Variants in PLEKHH1 observed in about 807,000 individuals in gnomAD.
PLEKHH1 encodes the protein pleckstrin homology domain-containing family H member 1.
Under a neutral mutation model 160.0 loss-of-function variants are expected in PLEKHH1, and 104 were observed. That is an observed-to-expected ratio of 0.65 (90% CI 0.55 to 0.76). The LOEUF is 0.76. PLEKHH1 is among the 30% of genes least tolerant of loss of function. PLEKHH1 has a pLI of 0.00. For synonymous variants in PLEKHH1, 619 were observed against 678.4 expected (o/e 0.91, Z 1.36); for missense variants, 1,427 against 1,724.1 (o/e 0.83, Z 3.05).
rs202023234 is a variant in PLEKHH1 at position 67,578,561 on chromosome 14, C to T, written c.2779C>T (p.Pro927Ser). The T allele has an allele frequency of 1.9e-3, 3,054 of 1,611,548 alleles. 1 individual carries two copies. Among genetic ancestry groups the T allele is most frequent in the Non-Finnish European group, 2.4e-3 (2,832 of 1,179,014 alleles). ...CTGGCAGCTCCTCGCTCTGTGTGCT[C>T]CACTTTTCCTGCCTCAGCATCACTT... ...QCWQLLALCA[P>S]LFLPQHHFLW... The change falls in exon 20 of 29, where the codon CCA (proline) becomes TCA (serine). Residue 927 changes from proline (P) to serine (S), a missense_variant. By Grantham distance (74) the Pro-to-Ser change is moderately conservative (BLOSUM62 -1). This residue lies in a region of PLEKHH1 where 436 missense variants were observed against 607.5 expected (regional missense o/e 0.72). Transcript: ENST00000329153. The surrounding 1 kb of genome is among the most constrained non-coding windows in gnomAD (Gnocchi z 5.0).
chr14:67,572,274 C>A lies in PLEKHH1; in HGVS notation c.1725C>A (p.Gly575=). 1 of 1,582,748 alleles carries A rather than the reference C, an allele frequency of 6.3e-7. No individual in the cohort carries two copies. The highest frequency in any genetic ancestry group is 1.1e-5 in the South Asian group (1 of 87,838). Residue 575 remains glycine (G), a synonymous_variant, in exon 11 of 29, where the codon GGC becomes GGA. Coordinates refer to ENST00000329153, the MANE Select transcript of PLEKHH1 (RefSeq NM_020715.3). ...SSYSTDGLGL[G]GESLEKSGYL... is the part of the protein sequence containing the mutation. ...ACTCCACCGACGGGCTGGGCCTGGG[C>A]GGGGTGAGCCGGGAAACGGGCGGGG...
At position 67,576,741 on chromosome 14, in the gene PLEKHH1, A is replaced by C. The variant is rs939325322; in HGVS notation, c.2461+238A>C. ...AGCAGGCTTTCCAGGGACCTGGGTA[A>C]ATGTTTTACTTGGATCAAGCTGCCC... On this transcript the variant is annotated intron_variant, in intron 17 of 28. Transcript: ENST00000329153. This position sits in a 1 kb window ranked among gnomAD's most constrained non-coding sequence, Gnocchi z 4.0. 8.5e-5 allele frequency among the ~76,000 whole-genome samples: 13 copies of C among 152,092 alleles called. No homozygotes were observed. In the East Asian group the frequency reaches 1.3e-3, roughly 16 times the overall value.
chr14:67,569,654 C>T, intron 8 of PLEKHH1: 1 of 516,922 alleles, frequency 1.9e-6, no homozygotes, highest in Non-Finnish European at 3.5e-6. Flanking sequence ...ACATCTGCAA[C>T]AGTGGAACAC....
rs767662877 is a variant in PLEKHH1 at position 67,586,472 on chromosome 14, C to T, written c.3933+375C>T. ...CCTCTTTAAGGTGCTCGCATGTTAC[C>T]CCTGGGTTCTGCTGACCCAACATTA... On this transcript the variant is annotated intron_variant, in intron 28 of 28. Coordinates refer to ENST00000329153, the MANE Select transcript of PLEKHH1 (RefSeq NM_020715.3). The T allele has an allele frequency of 3.3e-6, 4 of 1,223,238 alleles. No homozygotes were observed. In the South Asian group the frequency reaches 5.0e-5, roughly 15 times the overall value. 75.8% of individuals were successfully genotyped at this position (1,223,238 alleles called of 1,614,324 possible).
At chr14:67,538,941 G>C (rs527725291) in intron 1 of PLEKHH1, among the ~76,000 whole-genome samples, 1 of 152,180 alleles carries the variant, frequency 6.6e-6, no homozygotes, top group East Asian at 1.9e-4. Context: ...TGATAATTTG[G>C]GTTTTCACTC....
chr14:67,583,706 A>C (rs374259386), intron 24 of PLEKHH1, 35 bp from the exon 25 acceptor site: 88 of 1,580,578 alleles, frequency 5.6e-5, no homozygotes, highest in Non-Finnish European at 2.1e-5. Context: ...CCACTGTCAG[A>C]TTTTGACTGG....
At chr14:67,579,548 G>A in intron 21 of PLEKHH1, 173 bp from the exon 22 acceptor site, 1 of 679,428 alleles carries the variant, frequency 1.5e-6, no homozygotes, top group Non-Finnish European at 2.5e-6. Flanking sequence ...CAGTGGATAA[G>A]CTCACATCCC....
chr14:67,569,045 A>C (rs1594774036), intron 7 of PLEKHH1, 93 bp from the exon 8 acceptor site: 12 of 826,708 alleles, frequency 1.5e-5, no homozygotes, highest in East Asian at 1.0e-4. Context: ...AGGTCTGCCC[A>C]CCCCCAAAGC....
chr14:67,578,266 G>C lies in PLEKHH1; in HGVS notation c.2751+67G>C. On this transcript the variant is annotated intron_variant, in intron 19 of 28. Coordinates refer to ENST00000329153, the MANE Select transcript of PLEKHH1 (RefSeq NM_020715.3). This position sits in a 1 kb window ranked among gnomAD's most constrained non-coding sequence, Gnocchi z 5.0. ...CAAGGGCTGCCAGGTGGGAAAGGTG[G>C]GAGGAGGTGACTGGGCAGGTATACG... The C allele has an allele frequency of 7.0e-7, 1 of 1,433,788 alleles. No individual in the cohort carries two copies. The allele number at this position is 1,433,788 out of a possible 1,614,324, so 88.8% of individuals were successfully genotyped here. A position where few individuals can be genotyped will look rare whatever the true frequency, so the allele number is the denominator to read the frequency against.
chr14:67,572,608 T>C (rs1195822266), intron 11 of PLEKHH1, among the ~76,000 whole-genome samples: 1 of 132,914 alleles, frequency 7.5e-6, no homozygotes, highest in Non-Finnish European at 1.8e-5. Flanking sequence ...CTAACATTTA[T>C]TGAACTCTTG....
chr14:67,557,393 A>T lies in PLEKHH1; in HGVS notation c.314A>T (p.Gln105Leu). 6.2e-7 allele frequency: 1 copy of T among 1,613,776 alleles called. No homozygotes were observed. Reference protein sequence around the residue: ...AIKGKDELISQLEAQLEKQKQ... With the variant: ...AIKGKDELISLLEAQLEKQKQ... ...AAGGGCAAAGATGAGCTCATCAGCCAGCTAGAGGCTCAGCTGGAGAAGCAG... is the reference window on the plus strand; with the variant it reads ...AAGGGCAAAGATGAGCTCATCAGCCTGCTAGAGGCTCAGCTGGAGAAGCAG... The change falls in exon 4 of 29, where the codon CAG becomes CTG. Residue 105 changes from glutamine to leucine, a missense_variant. Physicochemically the swap from Gln to Leu is moderately radical, Grantham distance 113 (BLOSUM62 -2). This residue lies in a region of PLEKHH1 where 831 missense variants were observed against 929.2 expected (regional missense o/e 0.89). Coordinates refer to ENST00000329153, the MANE Select transcript of PLEKHH1 (RefSeq NM_020715.3).
chr14:67,542,792 C>G lies in PLEKHH1; in HGVS notation c.126+799C>G, dbSNP rs569516670. Reference sequence around the variant, plus strand: ...CGCAGCTCGCCACAATCTCCGCCTCCTGGGCTCAAGCGATTCTCCTGCCTC... The same window carrying G: ...CGCAGCTCGCCACAATCTCCGCCTCGTGGGCTCAAGCGATTCTCCTGCCTC... On this transcript the variant is annotated intron_variant, in intron 2 of 28. Coordinates refer to ENST00000329153, the MANE Select transcript of PLEKHH1 (RefSeq NM_020715.3). 2.9e-4 allele frequency among the ~76,000 whole-genome samples: 44 copies of G among 152,278 alleles called. 1 individual carries two copies. In the South Asian group the frequency reaches 9.1e-3, roughly 32 times the overall value.
intron 2 of PLEKHH1, 72 bp from the exon 3 acceptor site, chr14:67,555,753 A>G (rs2034566344): frequency 1.3e-6 from 2 of 1,582,088 alleles, no homozygotes; most frequent in Non-Finnish European, 1.7e-6. Context: ...ACAGTTCTCT[A>G]AAGTGGCCTT....
chr14:67,571,746 TTGC>T lies in PLEKHH1; in HGVS notation c.1435-5_1435-3del. 6.2e-7 allele frequency: 1 copy of T among 1,612,022 alleles called. No homozygotes were observed. Among genetic ancestry groups the T allele is most frequent in the Non-Finnish European group, 8.5e-7 (1 of 1,178,390 alleles). ...AGCTGCAGTGAGGGAGGGGCCTGTCTTGCAGAGAGCTACACAGATCAGCAACAT... is the reference window on the plus strand; with the variant it reads ...AGCTGCAGTGAGGGAGGGGCCTGTCTAGAGAGCTACACAGATCAGCAACAT... On this transcript the variant is annotated splice_region_variant and splice_polypyrimidine_tract_variant and intron_variant, in intron 9 of 28. Coordinates refer to ENST00000329153, the MANE Select transcript of PLEKHH1 (RefSeq NM_020715.3).
In PLEKHH1 at chr14:67,575,824, G is replaced by A. The variant is rs532622152; in HGVS notation, c.2171G>A (p.Arg724Gln). The change falls in exon 16 of 29, where the codon CGA (arginine) becomes CAA (glutamine). Residue 724 changes from arginine to glutamine, a missense_variant and splice_region_variant. Transcript: ENST00000329153. The stretch of plus-strand genomic sequence containing the variant: ...TTCATGGAAGACTGCTGTCCACAGC[G>A]ACCCCTGGGCTGCCTGCCTGTGCGG... ...FYYYRSHEDK[R>Q]PLGCLPVRDA... 636 of 1,612,416 alleles carry A rather than the reference G, an allele frequency of 3.9e-4. 10 individuals carry two copies. In the South Asian group the frequency reaches 6.1e-3, roughly 16 times the overall value.
chr14:67,587,537 T>C lies in PLEKHH1; in HGVS notation c.*302T>C. 1 of 413,672 alleles carries C rather than the reference T, an allele frequency of 2.4e-6. No individual in the cohort carries two copies. The highest frequency in any genetic ancestry group is 2.2e-5 in the South Asian group (1 of 45,422). 25.6% of individuals were successfully genotyped at this position (413,672 alleles called of 1,614,324 possible). A position where few individuals can be genotyped will look rare whatever the true frequency, so the allele number is the denominator to read the frequency against. On this transcript the variant is annotated 3_prime_UTR_variant, in exon 29 of 29. Transcript: ENST00000329153. Reference sequence around the variant, plus strand: ...GGATGATCCACTGTTACTGAGGGCATCAGTGCTATAAGTTAAGGCTTTCTG... The same window carrying C: ...GGATGATCCACTGTTACTGAGGGCACCAGTGCTATAAGTTAAGGCTTTCTG...
Position 67,569,958 on chromosome 14 carries a change from C to T in PLEKHH1, c.1380C>T (p.Phe460=). The T allele has an allele frequency of 1.2e-6, 2 of 1,610,340 alleles. No homozygotes were observed. Among genetic ancestry groups the T allele is most frequent in the South Asian group, 1.1e-5 (1 of 90,092 alleles). The change falls in exon 9 of 29, where the codon TTC becomes TTT. Residue 460 remains phenylalanine, a synonymous_variant. Coordinates refer to ENST00000329153, the MANE Select transcript of PLEKHH1 (RefSeq NM_020715.3). ...CTGCCCTTGTTTCCCCTGGGTCTTT[C>T]TCTGGCCTGGTCTACAAGAATGTCA... ...SPPALVSPGS[F]SGLVYKNVTV... is the part of the protein sequence containing the mutation.
At position 67,578,835 on chromosome 14, in the gene PLEKHH1, A is replaced by G. The variant is rs1381432100; in HGVS notation, c.2849+204A>G. ...CTTAAGCTTCTCTGCACGCCAATCC[A>G]TGTATCCACGGATGTACTGTGGCAA... On this transcript the variant is annotated intron_variant, in intron 20 of 28. Coordinates refer to ENST00000329153, the MANE Select transcript of PLEKHH1 (RefSeq NM_020715.3). This position sits in a 1 kb window ranked among gnomAD's most constrained non-coding sequence, Gnocchi z 5.0. Among the ~76,000 whole-genome samples, 1 of 152,196 alleles carries G rather than the reference A, an allele frequency of 6.6e-6. No homozygotes were observed. The highest frequency in any genetic ancestry group is 1.5e-5 in the Non-Finnish European group (1 of 68,034).
Position 67,562,621 on chromosome 14 carries a change from G to A in PLEKHH1, c.990G>A (p.Arg330=), listed in dbSNP as rs572370589. 3.8e-5 allele frequency: 62 copies of A among 1,613,076 alleles called. No individual in the cohort carries two copies. The South Asian group carries it at 4.0e-4, about 10-fold the overall frequency. The change falls in exon 7 of 29, where the codon AGG becomes AGA. Residue 330 remains arginine (R), a synonymous_variant. Transcript: ENST00000329153. ...TPRDSIQLAK[R]HHSQPQVGHG... Reference sequence around the variant, plus strand: ...GGGACAGCATCCAGTTGGCCAAAAGGCACCACAGCCAGCCCCAGGTGGGCC... The same window carrying A: ...GGGACAGCATCCAGTTGGCCAAAAGACACCACAGCCAGCCCCAGGTGGGCC...
Sources: allele counts gnomAD v4.1 joint callset (sites outside exome capture counted in the v4.1 genomes callset), GRCh38; gene constraint gnomAD v4.1.1; regional missense constraint gnomAD v4.1.1; non-coding constraint Gnocchi (gnomAD v3.1); transcripts MANE v1.5; gene names NCBI Gene and HGNC (gene_info 2026-07-23, HGNC 2026-07-21).